The following TMEM131L variants were observed in gnomAD, a reference collection of about 807,000 sequenced individuals.
TMEM131L encodes transmembrane 131 like.
TMEM131L carries 54 observed loss-of-function variants against 192.2 expected under a neutral mutation model. The observed-to-expected ratio is 0.28, with a 90% CI of 0.23 to 0.35. The LOEUF (loss-of-function observed/expected upper bound fraction) is 0.35, where lower values mean the gene tolerates loss of function less well. TMEM131L is among the 10% of genes least tolerant of loss of function. TMEM131L has a pLI of 1.00. For missense variants in TMEM131L, 1,888 were observed against 1,972.9 expected, an observed-to-expected ratio of 0.96 and a Z score of 0.82; for synonymous variants, 701 against 704.9, an observed-to-expected ratio of 0.99 and a Z score of 0.09.
At chr4:153,505,955 G>A (rs1000734864) in intron 3 of TMEM131L, among the ~76,000 whole-genome samples, 6 of 152,134 alleles carry the variant, frequency 3.9e-5, no homozygotes, top group African/African-American at 4.8e-5. Flanking sequence ...CAGATATTTC[G>A]TACCAGATCT....
chr4:153,510,796 G>A (rs979898553), intron 3 of TMEM131L, among the ~76,000 whole-genome samples: 12 of 151,994 alleles, frequency 7.9e-5, no homozygotes, highest in African/African-American at 2.9e-4. Flanking sequence ...AAGTGTGGGA[G>A]GATTGCCTGA....
At chr4:153,477,284 C>T (rs1460544900) in intron 3 of TMEM131L, among the ~76,000 whole-genome samples, 2 of 152,112 alleles carry the variant, frequency 1.3e-5, no homozygotes, top group Non-Finnish European at 2.9e-5. Flanking sequence ...TGATATGACA[C>T]GTCTACAGGG....
intron 31 of TMEM131L, among the ~76,000 whole-genome samples, chr4:153,628,222 C>T (rs28676633): frequency 0.013 from 1,936 of 152,312 alleles, 49 homozygotes; most frequent in African/African-American, 0.044. Context: ...AGACCTTCTG[C>T]CTGCGGGGAA....
At chr4:153,596,576 T>C (rs1731456053) in intron 20 of TMEM131L, among the ~76,000 whole-genome samples, 191 bp downstream of exon 20, 1 of 152,154 alleles carries the variant, frequency 6.6e-6, no homozygotes, top group Admixed American at 6.5e-5. Context: ...GGCCTCAGTC[T>C]CCTCTCTTCT....
At chr4:153,582,397 A>T (rs1293558040) in intron 9 of TMEM131L, among the ~76,000 whole-genome samples, 3 of 131,802 alleles carry the variant, frequency 2.3e-5, no homozygotes, top group Non-Finnish European at 4.7e-5. Context: ...GGCGCACACC[A>T]CTATGCCTGG....
chr4:153,526,337 CT>C (rs1347745978), intron 3 of TMEM131L, among the ~76,000 whole-genome samples: 2 of 152,170 alleles, frequency 1.3e-5, no homozygotes, highest in Non-Finnish European at 2.9e-5. Flanking sequence ...TCATTTATCC[CT>C]AACTTCAAGT....
intron 3 of TMEM131L, among the ~76,000 whole-genome samples, chr4:153,519,922 A>C (rs1326462030): frequency 1.3e-5 from 2 of 152,234 alleles, no homozygotes; most frequent in African/African-American, 4.8e-5. Context: ...AATACACATG[A>C]AAACAAAACT....
intron 14 of TMEM131L, among the ~76,000 whole-genome samples, chr4:153,586,687 A>G (rs1578805860): frequency 6.6e-6 from 1 of 152,200 alleles, no homozygotes; most frequent in South Asian, 2.1e-4. Flanking sequence ...TGTGTTTGCT[A>G]TAGAAAACAC....
intron 3 of TMEM131L, among the ~76,000 whole-genome samples, chr4:153,485,527 A>G (rs1732269769): frequency 6.6e-6 from 1 of 152,198 alleles, no homozygotes; most frequent in Non-Finnish European, 1.5e-5. Context: ...TGCCAAGTGA[A>G]CCATGTAAAA....
intron 3 of TMEM131L, among the ~76,000 whole-genome samples, chr4:153,533,689 T>C (rs1034224151): frequency 6.6e-6 from 1 of 152,200 alleles, no homozygotes; most frequent in Non-Finnish European, 1.5e-5. Context: ...TTGAGCATGA[T>C]CCACCTGATC....
In TMEM131L at chr4:153,604,085, G is replaced by A. The variant is rs996704984; in HGVS notation, c.3073G>A (p.Ala1025Thr). The A allele has an allele frequency of 6.2e-7, 1 of 1,614,178 alleles. No individual in the cohort carries two copies. Among genetic ancestry groups the A allele is most frequent in the Non-Finnish European group, 8.5e-7 (1 of 1,180,030 alleles). ...TGCTAAAGAGGACATTTGCACTGAT[G>A]CCATGCGTGAGAACTGGATCAGCCT... Reference protein sequence around the residue: ...PAAKEDICTDAMRENWISLRY... With the variant: ...PAAKEDICTDTMRENWISLRY... The change falls in exon 25 of 35, where the codon GCC becomes ACC. Residue 1025 changes from alanine to threonine, a missense_variant. Transcript: ENST00000409959.
At position 153,553,457 on chromosome 4, in the gene TMEM131L, TA is replaced by T. The variant is rs34266190; in HGVS notation, c.309-2316del. On this transcript the variant is annotated intron_variant, in intron 4 of 34. Coordinates refer to ENST00000409959, the MANE Select transcript of TMEM131L (RefSeq NM_001131007.2). ...TGAGAATTAGTCATTTTGCTGAAGT[TA>T]AAAAAAAAAAAAACCTCAGAACAAA... 3.6e-3 allele frequency among the ~76,000 whole-genome samples: 520 copies of T among 143,424 alleles called. 1 individual carries two copies. The highest frequency in any genetic ancestry group is 4.0e-3 in the Non-Finnish European group (256 of 64,722). The allele number at this position is 143,424 out of a possible 152,430, so 94.1% of individuals were successfully genotyped here.
intron 25 of TMEM131L, among the ~76,000 whole-genome samples, chr4:153,609,747 G>T (rs1406130453): frequency 1.3e-5 from 2 of 152,204 alleles, no homozygotes; most frequent in East Asian, 3.9e-4. Context: ...TATATTCTTG[G>T]CCTGAAGAAA....
chr4:153,555,271 CTT>C lies in TMEM131L; in HGVS notation c.309-513_309-512del, dbSNP rs977664518. 6.6e-6 allele frequency among the ~76,000 whole-genome samples: 1 copy of C among 152,180 alleles called. No individual in the cohort carries two copies. Among genetic ancestry groups the C allele is most frequent in the African/African-American group, 2.4e-5 (1 of 41,444 alleles). On this transcript the variant is annotated intron_variant, in intron 4 of 34. Coordinates refer to ENST00000409959, the MANE Select transcript of TMEM131L (RefSeq NM_001131007.2). This position sits in a 1 kb window ranked among gnomAD's most constrained non-coding sequence, Gnocchi z 4.1. ...AAATACATACCTCCCCAAAAAGTCT[CTT>C]TTACTCAGAAAACATAACCCTAAGA...
rs1448789823 is a variant in TMEM131L, at chr4:153,555,771, T to A, written c.309-16T>A. ...CCACACAATACATTGATTTTTCTCT[T>A]TGTTTCTCCTCCTAGGTTCCTGGGA... On this transcript the variant is annotated splice_polypyrimidine_tract_variant and intron_variant, in intron 4 of 34. Transcript: ENST00000409959. This position sits in a 1 kb window ranked among gnomAD's most constrained non-coding sequence, Gnocchi z 4.1. 1 of 1,547,876 alleles carries A rather than the reference T, an allele frequency of 6.5e-7. No homozygotes were observed. Among genetic ancestry groups the A allele is most frequent in the South Asian group, 1.2e-5 (1 of 83,914 alleles).
intron 9 of TMEM131L, among the ~76,000 whole-genome samples, chr4:153,582,669 C>G (rs1730443268): frequency 6.6e-6 from 1 of 151,968 alleles, no homozygotes; most frequent in Non-Finnish European, 1.5e-5. Context: ...CTCTCCTGTC[C>G]TCAGTGCTTG....
intron 7 of TMEM131L, among the ~76,000 whole-genome samples, chr4:153,561,899 T>C (rs932601679): frequency 1.3e-5 from 2 of 151,928 alleles, no homozygotes; most frequent in Non-Finnish European, 2.9e-5. Context: ...TCAGAGTTTG[T>C]AGATGAAACT....
chr4:153,613,945 T>G (rs1732798573), intron 26 of TMEM131L, among the ~76,000 whole-genome samples: 1 of 152,210 alleles, frequency 6.6e-6, no homozygotes, highest in South Asian at 2.1e-4. Flanking sequence ...GAATTTACAG[T>G]CTGTTTGGAA....
At chr4:153,497,125 G>A (rs1733229969) in intron 3 of TMEM131L, among the ~76,000 whole-genome samples, 1 of 152,224 alleles carries the variant, frequency 6.6e-6, no homozygotes, top group Non-Finnish European at 1.5e-5. Flanking sequence ...GCTTCCTGAG[G>A]TGTTGGGATT....
Sources: gnomAD v4.1 joint callset for allele counts (sites outside exome capture counted in the v4.1 genomes callset) on GRCh38, gnomAD v4.1.1 for gene constraint, Gnocchi (gnomAD v3.1) non-coding constraint, MANE v1.5 for transcripts, NCBI Gene and HGNC (gene_info 2026-07-23, HGNC 2026-07-21) for gene names.